The following L3MBTL4 variants were observed in gnomAD, a reference collection of about 807,000 sequenced individuals.
L3MBTL4 encodes lethal(3)malignant brain tumor-like protein 4.
Under a neutral mutation model 84.5 loss-of-function variants are expected in L3MBTL4, and 70 were observed. The ratio of observed to expected loss-of-function variants is 0.83; its 90% CI spans 0.68 to 1.01. The LOEUF (loss-of-function observed/expected upper bound fraction) is 1.01. L3MBTL4 is among the 50% of genes least tolerant of loss of function. The probability of loss-of-function intolerance (pLI) is 0.00; values close to 1 mark genes in which losing one functional copy is unlikely to be tolerated. For missense variants in L3MBTL4, 715 were observed against 754.8 expected (o/e 0.95, Z 0.62); for synonymous variants, 274 against 259.8 (o/e 1.05, Z -0.52).
chr18:6,220,762 A>G (rs947140921), intron 10 of L3MBTL4, among the ~76,000 whole-genome samples: 1 of 152,216 alleles, frequency 6.6e-6, no homozygotes, highest in Admixed American at 6.5e-5. Context: ...ATTTCCTGAA[A>G]CATTTACATT....
chr18:5,984,983 AT>A (rs566999368), intron 16 of L3MBTL4, among the ~76,000 whole-genome samples: 1,946 of 146,934 alleles, frequency 0.013, 41 homozygotes, highest in African/African-American at 0.044. Context: ...CAACTTTTCC[AT>A]TTTTTTTTTT....
intron 16 of L3MBTL4, among the ~76,000 whole-genome samples, chr18:6,078,354 G>C (rs541223750): frequency 7.2e-6 from 1 of 138,738 alleles, no homozygotes; most frequent in Non-Finnish European, 1.5e-5. Flanking sequence ...TTGAACCCAG[G>C]AAGTGGAGAT....
chr18:6,159,678 G>A (rs564841890), intron 13 of L3MBTL4, among the ~76,000 whole-genome samples: 2 of 152,272 alleles, frequency 1.3e-5, no homozygotes, highest in African/African-American at 4.8e-5. Flanking sequence ...TCCCTGAAGG[G>A]CCAGCACCAC....
chr18:6,358,712 G>A (rs550349520), intron 1 of L3MBTL4, among the ~76,000 whole-genome samples: 6 of 152,306 alleles, frequency 3.9e-5, no homozygotes, highest in Middle Eastern at 6.8e-3. Flanking sequence ...AGTTTACAAT[G>A]TCTACCCTCA....
rs1291079152 is a variant in L3MBTL4, at chr18:6,024,062, A to G, written c.1445-54500T>C. On this transcript the variant is annotated intron_variant, in intron 16 of 18. Coordinates refer to ENST00000317931, the MANE Select transcript of L3MBTL4 (RefSeq NM_001330559.2). ...CAGCTAATTTTTGTATTTTTAGTAGACACCGGGTTTCACCATGTTGGCCAG... is the reference window on the plus strand; with the variant it reads ...CAGCTAATTTTTGTATTTTTAGTAGGCACCGGGTTTCACCATGTTGGCCAG... 7.2e-5 allele frequency among the ~76,000 whole-genome samples: 11 copies of G among 152,264 alleles called. No individual in the cohort carries two copies. In the East Asian group the frequency reaches 2.1e-3, roughly 29 times the overall value.
At chr18:6,293,254 C>T (rs1038369077) in intron 4 of L3MBTL4, among the ~76,000 whole-genome samples, 2 of 152,080 alleles carry the variant, frequency 1.3e-5, no homozygotes, top group Non-Finnish European at 2.9e-5. Flanking sequence ...AATGAACACA[C>T]CTAGCCCTGG....
intron 1 of L3MBTL4, among the ~76,000 whole-genome samples, chr18:6,316,245 C>T (rs774294881): frequency 1.3e-5 from 2 of 152,174 alleles, no homozygotes; most frequent in Non-Finnish European, 2.9e-5. Flanking sequence ...TCACCAACAG[C>T]CTGAAATGTG....
Position 6,109,320 on chromosome 18 carries a change from T to C in L3MBTL4, c.1200-15792A>G, listed in dbSNP as rs1262198279. 3.9e-5 allele frequency among the ~76,000 whole-genome samples: 6 copies of C among 152,306 alleles called. No individual in the cohort carries two copies. In the East Asian group the frequency reaches 1.2e-3, roughly 29 times the overall value. On this transcript the variant is annotated intron_variant, in intron 14 of 18. Transcript: ENST00000317931. ...TCTGATTTTATTTTTTTATACCATGTGCGCAGGCATTATGTGTGTGCATGT... is the reference window on the plus strand; with the variant it reads ...TCTGATTTTATTTTTTTATACCATGCGCGCAGGCATTATGTGTGTGCATGT...
chr18:6,347,458 T>C (rs1288158207), intron 1 of L3MBTL4, among the ~76,000 whole-genome samples: 1 of 151,792 alleles, frequency 6.6e-6, no homozygotes. Context: ...TAGTTGTATA[T>C]ATTCTCCAAA....
chr18:6,236,021 A>T (rs2047202226), intron 10 of L3MBTL4, among the ~76,000 whole-genome samples: 1 of 152,236 alleles, frequency 6.6e-6, no homozygotes, highest in Non-Finnish European at 1.5e-5. Context: ...ATACTCCACC[A>T]ATTGATCTAC....
chr18:6,283,951 A>G (rs1490718061), intron 4 of L3MBTL4, among the ~76,000 whole-genome samples: 1 of 152,266 alleles, frequency 6.6e-6, no homozygotes, highest in African/African-American at 2.4e-5. Context: ...TAAGATTTCT[A>G]AAAGACAAAA....
intron 10 of L3MBTL4, among the ~76,000 whole-genome samples, chr18:6,221,516 GCA>G (rs1023247806): frequency 6.6e-6 from 1 of 152,158 alleles, no homozygotes; most frequent in Non-Finnish European, 1.5e-5. Flanking sequence ...GTGAGACCTG[GCA>G]TTTTAAGTGA....
chr18:6,064,746 T>C (rs1038769515), intron 16 of L3MBTL4, among the ~76,000 whole-genome samples: 5 of 151,988 alleles, frequency 3.3e-5, no homozygotes, highest in Admixed American at 3.3e-4. Flanking sequence ...TAGGAGCTTT[T>C]TGGATGAGTC....
chr18:6,060,913 G>A (rs559002846), intron 16 of L3MBTL4, among the ~76,000 whole-genome samples: 5 of 152,158 alleles, frequency 3.3e-5, no homozygotes, highest in Admixed American at 1.3e-4. Flanking sequence ...ACCTATTGAA[G>A]GACATCTTGG....
chr18:5,959,622 C>T (rs771375559), intron 18 of L3MBTL4, among the ~76,000 whole-genome samples: 10 of 152,160 alleles, frequency 6.6e-5, no homozygotes, highest in African/African-American at 2.4e-4. Context: ...GGGTCCCATG[C>T]TGACTTTGGA....
At position 5,970,926 on chromosome 18, in the gene L3MBTL4, C is replaced by A. The variant is rs80285119; in HGVS notation, c.1445-1364G>T. On this transcript the variant is annotated intron_variant, in intron 16 of 18. Coordinates refer to ENST00000317931, the MANE Select transcript of L3MBTL4 (RefSeq NM_001330559.2). ...TCTGTGCAACACCACTCTCGTGGAT[C>A]GGAACAGACATCCTCATATTTAACA... Among the ~76,000 whole-genome samples, 860 of 152,304 alleles carry A rather than the reference C, an allele frequency of 5.6e-3. 8 individuals are homozygous for A. Among genetic ancestry groups the A allele is most frequent in the African/African-American group, 0.02 (822 of 41,572 alleles).
At chr18:6,162,604 T>C (rs2043396952) in intron 13 of L3MBTL4, among the ~76,000 whole-genome samples, 1 of 152,166 alleles carries the variant, frequency 6.6e-6, no homozygotes, top group Non-Finnish European at 1.5e-5. Context: ...GTAAATAAGA[T>C]TAACCCATTG....
chr18:6,301,171 AAAT>A (rs2050322026), intron 4 of L3MBTL4, among the ~76,000 whole-genome samples: 1 of 152,162 alleles, frequency 6.6e-6, no homozygotes, highest in South Asian at 2.1e-4. Flanking sequence ...CATTATTTAA[AAAT>A]AAACACAAAA....
chr18:6,186,549 G>A (rs2044775586), intron 12 of L3MBTL4, among the ~76,000 whole-genome samples: 1 of 152,190 alleles, frequency 6.6e-6, no homozygotes, highest in Admixed American at 6.5e-5. Flanking sequence ...TCTCTCAGAT[G>A]CAAGGAAGAC....
Sources: allele counts gnomAD v4.1 joint callset (sites outside exome capture counted in the v4.1 genomes callset), GRCh38; gene constraint gnomAD v4.1.1; transcripts MANE v1.5; gene names NCBI Gene and HGNC (gene_info 2026-07-23, HGNC 2026-07-21).